PPFIBP2: variants seen among roughly 807,000 people sequenced by gnomAD.
PPFIBP2 encodes PPFIB scaffold protein 2.
PPFIBP2 carries 118 observed loss-of-function variants against 118.3 expected under a neutral mutation model. The ratio of observed to expected loss-of-function variants is 1.00; its 90% confidence interval spans 0.86 to 1.16. PPFIBP2 has a LOEUF of 1.16. Ranked by LOEUF, PPFIBP2 falls within the 50% of genes most tolerant of loss-of-function variation. The pLI, the probability that PPFIBP2 is intolerant of heterozygous loss-of-function variation, is 0.00. For synonymous variants in PPFIBP2, 414 were observed against 397.4 expected (o/e 1.04, Z -0.50); for missense variants, 1,195 against 1,073.1 (o/e 1.11, Z -1.59).
At chr11:7,592,345 C>T (rs1404715965) in intron 3 of PPFIBP2, among the ~76,000 whole-genome samples, 1 of 152,138 alleles carries the variant, frequency 6.6e-6, no homozygotes, top group Non-Finnish European at 1.5e-5. Flanking sequence ...TTGTAAGATT[C>T]TGCCTCTCCT....
intron 18 of PPFIBP2, 29 bp from the exon 19 acceptor site, chr11:7,648,764 AAAATTTC>A (rs1853526703): frequency 1.2e-6 from 2 of 1,601,192 alleles, no homozygotes; most frequent in African/African-American, 2.7e-5. Context: ...ATTGCCTGCC[AAAATTTC>A]ACATGTGGTC....
At chr11:7,582,674 C>G (rs1404101270) in intron 3 of PPFIBP2, among the ~76,000 whole-genome samples, 5 of 151,512 alleles carry the variant, frequency 3.3e-5, no homozygotes, top group Non-Finnish European at 7.4e-5. Flanking sequence ...AGTCTTCAAC[C>G]TTATACTCCC....
chr11:7,527,124 A>G (rs980912941), intron 1 of PPFIBP2, among the ~76,000 whole-genome samples: 1 of 151,666 alleles, frequency 6.6e-6, no homozygotes. Context: ...TACCCTAGGA[A>G]GTCTGACTGT....
chr11:7,656,524 T>A (rs1385486906), downstream of PPFIBP2, among the ~76,000 whole-genome samples: 1 of 152,224 alleles, frequency 6.6e-6, no homozygotes, highest in Non-Finnish European at 1.5e-5. Context: ...AAAATTTATT[T>A]CTAAGATGAA....
At chr11:7,556,964 T>C (rs1022614979) in intron 2 of PPFIBP2, among the ~76,000 whole-genome samples, 5 of 152,242 alleles carry the variant, frequency 3.3e-5, no homozygotes, top group Non-Finnish European at 7.3e-5. Flanking sequence ...GTGAGTGTCT[T>C]TAAGCTGAGA....
chr11:7,537,530 G>A (rs758876956), intron 1 of PPFIBP2, among the ~76,000 whole-genome samples: 4 of 152,226 alleles, frequency 2.6e-5, no homozygotes, highest in Non-Finnish European at 5.9e-5. Context: ...CTGTTGCCTA[G>A]TCCTGGCTCT....
At chr11:7,666,616 ACC>A in the PPFIBP2 span, 1 of 1,191,024 alleles carries the variant, frequency 8.4e-7, no homozygotes, top group Non-Finnish European at 1.2e-6. Flanking sequence ...GACTGACTAC[ACC>A]GGTCAGCATA....
Position 7,642,358 on chromosome 11 carries a change from A to C in PPFIBP2, c.1578A>C (p.Arg526=), listed in dbSNP as rs1852315950. Residue 526 remains arginine, a synonymous_variant, in exon 17 of 24, where the codon CGA becomes CGC. Coordinates refer to ENST00000299492, the MANE Select transcript of PPFIBP2 (RefSeq NM_003621.5). ...ACACGCTGGGGATGGCAGAGTTTCG[A>C]CGAGGTGGGCTCCGGGCAACCGCAG... ...YTDTLGMAEF[R]RGGLRATAGP... 1 of 1,614,184 alleles carries C rather than the reference A, an allele frequency of 6.2e-7. No homozygotes were observed. The highest frequency in any genetic ancestry group is 2.2e-5 in the East Asian group (1 of 44,892).
At chr11:7,532,992 G>A (rs1420383372) in intron 1 of PPFIBP2, among the ~76,000 whole-genome samples, 3 of 151,402 alleles carry the variant, frequency 2.0e-5, no homozygotes, top group African/African-American at 4.9e-5. Context: ...CAAAAGTTAC[G>A]CACGCTCCAG....
intron 1 of PPFIBP2, among the ~76,000 whole-genome samples, chr11:7,523,033 G>A (rs910129034): frequency 1.3e-5 from 2 of 152,146 alleles, no homozygotes; most frequent in African/African-American, 4.8e-5. Context: ...GCTAGCTAGG[G>A]AAGGCAACCA....
intron 20 of PPFIBP2, 118 bp downstream of exon 20, chr11:7,649,353 T>C (rs1853625133): frequency 7.9e-7 from 1 of 1,265,424 alleles, no homozygotes. Context: ...AATAGTATCA[T>C]TTGTCACAAA....
chr11:7,554,096 CTCTT>C lies in PPFIBP2; in HGVS notation c.64+4559_64+4562del, dbSNP rs543095866. Among the ~76,000 whole-genome samples, 6 of 152,294 alleles carry C rather than the reference CTCTT, an allele frequency of 3.9e-5. No individual in the cohort carries two copies. In the South Asian group the frequency reaches 6.2e-4, roughly 16 times the overall value. Reference sequence around the variant, plus strand: ...TTTGTGTGAACATTTAAATCTTCCTCTCTTTATTTATGTTCTCTTATTAATTTTA... The same window carrying C: ...TTTGTGTGAACATTTAAATCTTCCTCTATTTATGTTCTCTTATTAATTTTA... On this transcript the variant is annotated intron_variant, in intron 2 of 23. Transcript: ENST00000299492.
At chr11:7,628,171 A>G (rs1565085176) in intron 8 of PPFIBP2, 114 bp from the exon 9 acceptor site, 1 of 829,320 alleles carries the variant, frequency 1.2e-6, no homozygotes, top group South Asian at 1.8e-5. Context: ...TAAAGAACTA[A>G]AGGAGCCATG....
intron 8 of PPFIBP2, among the ~76,000 whole-genome samples, chr11:7,626,780 C>A (rs554199847): frequency 3.9e-5 from 6 of 152,322 alleles, no homozygotes; most frequent in Middle Eastern, 6.8e-3. Context: ...AGAGCAATGC[C>A]GAAGATCATA....
intron 7 of PPFIBP2, 64 bp downstream of exon 7, chr11:7,621,091 C>G: frequency 7.6e-7 from 1 of 1,316,294 alleles, no homozygotes; most frequent in South Asian, 1.2e-5. Context: ...GTCTGCATTC[C>G]AACTTGGGGG....
intron 1 of PPFIBP2, among the ~76,000 whole-genome samples, chr11:7,519,271 G>A (rs1198922644): frequency 6.6e-6 from 1 of 152,146 alleles, no homozygotes; most frequent in Non-Finnish European, 1.5e-5. Flanking sequence ...ATCTAACGGG[G>A]AAAAAGAGGT....
At chr11:7,526,827 T>C (rs77439251) in intron 1 of PPFIBP2, among the ~76,000 whole-genome samples, 3,908 of 152,170 alleles carry the variant, frequency 0.026, 166 homozygotes, top group African/African-American at 0.089. Flanking sequence ...AGCAAATGTC[T>C]TTGTGGGCTG....
At chr11:7,642,138 CTGCGACAGGTTGTGATCCT>C (rs1852282305) in intron 16 of PPFIBP2, 141 bp from the exon 17 acceptor site, 1 of 815,976 alleles carries the variant, frequency 1.2e-6, no homozygotes, top group African/African-American at 1.7e-5. Context: ...GGCCAAGGAG[CTGCGACAGGTTGTGATCCT>C]TGATCTCTGG....
rs549108881 is a variant in PPFIBP2 at position 7,639,642 on chromosome 11, C to A, written c.1237-90C>A. The A allele has an allele frequency of 2.3e-5, 36 of 1,551,030 alleles. No homozygotes were observed. The East Asian group carries it at 7.9e-4, about 34-fold the overall frequency. ...CACCATATGTGAAAAATGGCTCTTG[C>A]AAAACAGGGAGTTGTTCTGTATCCA... On this transcript the variant is annotated intron_variant, in intron 14 of 23. Coordinates refer to ENST00000299492, the MANE Select transcript of PPFIBP2 (RefSeq NM_003621.5).
Sources: allele counts gnomAD v4.1 joint callset (sites outside exome capture counted in the v4.1 genomes callset), GRCh38; gene constraint gnomAD v4.1.1; transcripts MANE v1.5; gene names NCBI Gene and HGNC (gene_info 2026-07-23, HGNC 2026-07-21).